Variants in HS3ST5 observed in about 807,000 individuals in gnomAD.
HS3ST5 encodes the protein heparan sulfate-glucosamine 3-sulfotransferase 5.
HS3ST5 carries 10 observed loss-of-function variants against 25.4 expected under a neutral mutation model. The ratio of observed to expected loss-of-function variants is 0.39; its 90% CI spans 0.24 to 0.67. The LOEUF is 0.67. Ranked by LOEUF, HS3ST5 falls within the 30% of genes least tolerant of loss-of-function variation. The pLI is 0.44. For missense variants in HS3ST5, 324 were observed against 420.7 expected, an observed-to-expected ratio of 0.77 and a Z score of 2.01; for synonymous variants, 170 against 162.4, an observed-to-expected ratio of 1.05 and a Z score of -0.36.
At chr6:114,263,430 A>T (rs1457379806) in intron 1 of HS3ST5, among the ~76,000 whole-genome samples, 1 of 152,182 alleles carries the variant, frequency 6.6e-6, no homozygotes, top group Non-Finnish European at 1.5e-5. Flanking sequence ...AACCCTTGTT[A>T]GCTTGTGAAG....
intron 2 of HS3ST5, among the ~76,000 whole-genome samples, chr6:114,171,793 C>A (rs1298737866): frequency 6.6e-6 from 1 of 152,116 alleles, no homozygotes; most frequent in Non-Finnish European, 1.5e-5. Context: ...ATGCTTGTAA[C>A]CCCCACTTCC....
intron 1 of HS3ST5, among the ~76,000 whole-genome samples, chr6:114,315,877 C>A (rs1775726732): frequency 6.6e-6 from 1 of 152,130 alleles, no homozygotes; most frequent in Non-Finnish European, 1.5e-5. Flanking sequence ...GAGTGATATT[C>A]TTTACTCTCT....
rs1776952832 is a variant in HS3ST5, at chr6:114,342,948, T to A, written c.-1092A>T. 6.6e-6 allele frequency: 1 copy of A among 152,270 alleles called. No homozygotes were observed. 9.4% of individuals were successfully genotyped at this position (152,270 alleles called of 1,614,324 possible). A position where few individuals can be genotyped will look rare whatever the true frequency, so the allele number is the denominator to read the frequency against. ...GTGCCCAGCTGTGTGCGCGTGTGTG[T>A]GTCTAAGCGAATCTCTTCCCCTCCA... is the stretch of plus-strand genomic sequence containing the variant. On this transcript the variant is annotated 5_prime_UTR_variant, in exon 1 of 5. Coordinates refer to ENST00000312719, the MANE Select transcript of HS3ST5 (RefSeq NM_153612.4).
chr6:114,071,811 T>C (rs1046452415), intron 3 of HS3ST5, among the ~76,000 whole-genome samples: 2 of 152,242 alleles, frequency 1.3e-5, no homozygotes, highest in African/African-American at 4.8e-5. Flanking sequence ...TTTGCCTAGA[T>C]TCGCTGATTG....
intron 2 of HS3ST5, among the ~76,000 whole-genome samples, chr6:114,222,962 G>A (rs528922550): frequency 5.3e-5 from 8 of 151,774 alleles, no homozygotes; most frequent in African/African-American, 1.9e-4. Context: ...CCTAAACAAG[G>A]AAATTTTGGG....
intron 3 of HS3ST5, among the ~76,000 whole-genome samples, chr6:114,097,475 A>G (rs917205494): frequency 7.2e-5 from 11 of 151,932 alleles, no homozygotes; most frequent in African/African-American, 7.2e-5. Context: ...CATCCTTTAT[A>G]TTGTATATTG....
chr6:114,069,877 A>G (rs1257748849), intron 3 of HS3ST5, among the ~76,000 whole-genome samples: 1 of 152,126 alleles, frequency 6.6e-6, no homozygotes, highest in Non-Finnish European at 1.5e-5. Context: ...AGATGGTTAT[A>G]TGTTATCTTG....
intron 3 of HS3ST5, among the ~76,000 whole-genome samples, chr6:114,129,235 C>T (rs528070263): frequency 9.3e-5 from 14 of 150,156 alleles, no homozygotes; most frequent in African/African-American, 3.4e-4. Context: ...TTGAGACACA[C>T]ACCTGCAACA....
At chr6:114,170,214 A>G (rs1364693102) in intron 2 of HS3ST5, among the ~76,000 whole-genome samples, 1 of 152,180 alleles carries the variant, frequency 6.6e-6, no homozygotes, top group Non-Finnish European at 1.5e-5. Flanking sequence ...ACATTGCACT[A>G]GAAAAACTAG....
intron 1 of HS3ST5, among the ~76,000 whole-genome samples, chr6:114,246,267 A>C (rs1308168073): frequency 6.6e-6 from 1 of 152,216 alleles, no homozygotes; most frequent in Non-Finnish European, 1.5e-5. Context: ...ATGTTCCATG[A>C]ACCAAATTAC....
At chr6:114,202,733 A>G (rs1178076776) in intron 2 of HS3ST5, among the ~76,000 whole-genome samples, 1 of 152,206 alleles carries the variant, frequency 6.6e-6, no homozygotes, top group African/African-American at 2.4e-5. Context: ...GACATTTGGT[A>G]GATTCAGAGA....
chr6:114,120,429 A>G (rs1400531119), intron 3 of HS3ST5, among the ~76,000 whole-genome samples: 1 of 152,204 alleles, frequency 6.6e-6, no homozygotes, highest in Non-Finnish European at 1.5e-5. Flanking sequence ...GTATTCTTTC[A>G]ACCATACTTT....
At chr6:114,116,538 A>T (rs183572921) in intron 3 of HS3ST5, among the ~76,000 whole-genome samples, 17 of 152,178 alleles carry the variant, frequency 1.1e-4, no homozygotes, top group African/African-American at 3.9e-4. Flanking sequence ...TACCCCACAG[A>T]CCTTTCTATT....
At chr6:114,160,909 A>T (rs1778913488) in intron 3 of HS3ST5, among the ~76,000 whole-genome samples, 2 of 152,198 alleles carry the variant, frequency 1.3e-5, no homozygotes, top group South Asian at 4.1e-4. Context: ...CATAATGTGC[A>T]AAAGAAACCA....
At chr6:114,133,971 TGAGA>T (rs148216053) in intron 3 of HS3ST5, among the ~76,000 whole-genome samples, 3 of 148,650 alleles carry the variant, frequency 2.0e-5, no homozygotes, top group East Asian at 3.9e-4. Flanking sequence ...TGTGGGAGCA[TGAGA>T]GAGAGAGAGA....
intron 3 of HS3ST5, among the ~76,000 whole-genome samples, chr6:114,076,181 G>A (rs1189839850): frequency 2.0e-5 from 3 of 152,256 alleles, no homozygotes; most frequent in Admixed American, 1.3e-4. Flanking sequence ...CCCTTCAAGG[G>A]AAAAACAAAA....
intron 1 of HS3ST5, among the ~76,000 whole-genome samples, chr6:114,293,899 T>G (rs785130): frequency 0.67 from 102,151 of 151,974 alleles, 35,000 homozygotes; most frequent in African/African-American, 0.78. Flanking sequence ...ACCATCAATA[T>G]CCCCATGGAG....
chr6:114,255,764 C>T (rs1772879351), intron 1 of HS3ST5, among the ~76,000 whole-genome samples: 1 of 152,178 alleles, frequency 6.6e-6, no homozygotes, highest in South Asian at 2.1e-4. Context: ...GTACCTTGGC[C>T]TCTTTTAGCC....
chr6:114,127,634 G>A (rs1415121943), intron 3 of HS3ST5, among the ~76,000 whole-genome samples: 1 of 152,106 alleles, frequency 6.6e-6, no homozygotes, highest in African/African-American at 2.4e-5. Flanking sequence ...CATAAAAGGG[G>A]TGAATCTTAA....
Sources: allele counts gnomAD v4.1 joint callset (sites outside exome capture counted in the v4.1 genomes callset), GRCh38; gene constraint gnomAD v4.1.1; transcripts MANE v1.5; gene names NCBI Gene and HGNC (gene_info 2026-07-23, HGNC 2026-07-21).